Variants in LAMA3 observed in about 807,000 individuals in gnomAD.
LAMA3 encodes laminin subunit alpha 3.
LAMA3 carries 281 observed loss-of-function variants against 402.0 expected under a neutral mutation model. The observed-to-expected ratio is 0.70, with a 90% CI of 0.63 to 0.77. The LOEUF is 0.77. Ranked by LOEUF, LAMA3 falls within the 30% of genes least tolerant of loss-of-function variation. The probability of loss-of-function intolerance (pLI) is 0.00; values close to 1 mark genes in which losing one functional copy is unlikely to be tolerated. For missense variants in LAMA3, 3,840 were observed against 4,215.5 expected, an observed-to-expected ratio of 0.91 and a Z score of 2.47; for synonymous variants, 1,431 against 1,558.4, an observed-to-expected ratio of 0.92 and a Z score of 1.93.
At chr18:23,718,693 G>C (rs750204210) in intron 2 of LAMA3, among the ~76,000 whole-genome samples, 1 of 152,168 alleles carries the variant, frequency 6.6e-6, no homozygotes, top group East Asian at 1.9e-4. Context: ...TTTGGGCCTC[G>C]TAGAGGCAAA....
rs1568330789 is a variant in LAMA3, at chr18:23,909,133, A to G, written c.7016-20A>G. The G allele has an allele frequency of 5.0e-6, 8 of 1,608,882 alleles. No individual in the cohort carries two copies. Among genetic ancestry groups the G allele is most frequent in the Middle Eastern group, 1.7e-4 (1 of 6,056 alleles). On this transcript the variant is annotated intron_variant, in intron 54 of 74. Coordinates refer to ENST00000313654, the MANE Select transcript of LAMA3 (RefSeq NM_198129.4). ...TCTTAATGCACAATCTTACATTTCT[A>G]TTTTTTTTCTCACCAACAGTGAATA... is the stretch of plus-strand genomic sequence containing the variant.
Position 23,950,009 on chromosome 18 carries a change from C to G in LAMA3, c.9512-20C>G. 1 of 1,614,080 alleles carries G rather than the reference C, an allele frequency of 6.2e-7. No homozygotes were observed. On this transcript the variant is annotated intron_variant, in intron 71 of 74. Transcript: ENST00000313654. ...TTTCATGGTGATGCTTTAACTTTTG[C>G]TTTGTTTCTCTTTTGAAAGCTCACT...
In LAMA3 at chr18:23,939,325, T is replaced by G; in HGVS notation, c.8965T>G (p.Phe2989Val). 3 of 1,614,142 alleles carry G rather than the reference T, an allele frequency of 1.9e-6. No individual in the cohort carries two copies. The highest frequency in any genetic ancestry group is 2.5e-6 in the Non-Finnish European group (3 of 1,180,010). Residue 2989 changes from phenylalanine (F) to valine (V), a missense_variant, in exon 68 of 75, where the codon TTT becomes GTT. By Grantham distance (50) the Phe-to-Val change is conservative. Around this residue, in one of 3 missense-constraint regions of LAMA3, gnomAD observed 840 missense variants for 981.9 expected, o/e 0.86. Transcript: ENST00000313654. ...CCAGGCCAATCATGGAGCCCTCCAGTTTGGGGACATTCCCACCAGCCACTT... is the reference window on the plus strand; with the variant it reads ...CCAGGCCAATCATGGAGCCCTCCAGGTTGGGGACATTCCCACCAGCCACTT... ...KTQANHGALQ[F>V]GDIPTSHLLF... is the part of the protein sequence containing the mutation.
intron 24 of LAMA3, among the ~76,000 whole-genome samples, chr18:23,835,936 T>C (rs2063572558): frequency 1.3e-5 from 2 of 152,310 alleles, no homozygotes; most frequent in South Asian, 4.1e-4. Flanking sequence ...ATAAATCTAA[T>C]CTGCTCTCCA....
chr18:23,842,277 T>C (rs2063718168), intron 27 of LAMA3, 118 bp from the exon 28 acceptor site: 1 of 1,285,738 alleles, frequency 7.8e-7, no homozygotes, highest in Non-Finnish European at 1.1e-6. Context: ...TCATTTCACT[T>C]TGGTAAATAC....
intron 2 of LAMA3, among the ~76,000 whole-genome samples, chr18:23,720,984 C>G (rs2061202061): frequency 1.3e-5 from 2 of 151,490 alleles, no homozygotes; most frequent in South Asian, 2.1e-4. Context: ...CTGTGAAAGC[C>G]CCTCTCTATA....
At position 23,943,970 on chromosome 18, in the gene LAMA3, C is replaced by T. The variant is rs117056996; in HGVS notation, c.9209C>T (p.Thr3070Met). The T allele has an allele frequency of 1.8e-4, 286 of 1,613,642 alleles. No homozygotes were observed. The Middle Eastern group carries it at 1.8e-3, about 10-fold the overall frequency. The change falls in exon 69 of 75, where the codon ACG becomes ATG. Residue 3070 changes from threonine to methionine, a missense_variant and splice_region_variant. By Grantham distance (81) the Thr-to-Met change is moderately conservative (BLOSUM62 -1). This residue lies in a region of LAMA3 where 840 missense variants were observed against 981.9 expected (regional missense o/e 0.86). Transcript: ENST00000313654. ...AAATGCAATGATGGGAAATGGCACA[C>T]GGTAAGAGCTGGGGCTGTGTCAGTA... Reference protein sequence around the residue: ...KEKCNDGKWHTVVFGHDGEKG... With the variant: ...KEKCNDGKWHMVVFGHDGEKG...
chr18:23,766,681 A>G (rs932695006), intron 8 of LAMA3, among the ~76,000 whole-genome samples: 6 of 152,170 alleles, frequency 3.9e-5, no homozygotes, highest in Admixed American at 1.3e-4. Flanking sequence ...CTATTAAAAC[A>G]TACAAAAATT....
intron 52 of LAMA3, 28 bp downstream of exon 52, chr18:23,905,652 G>T (rs1181754211): frequency 6.0e-6 from 8 of 1,328,580 alleles, no homozygotes. Flanking sequence ...CAATGGCAGG[G>T]ATAGTCAGGA....
chr18:23,775,007 G>A (rs759145935), intron 9 of LAMA3, among the ~76,000 whole-genome samples: 8 of 151,684 alleles, frequency 5.3e-5, no homozygotes, highest in Non-Finnish European at 8.8e-5. Flanking sequence ...GTCCACAGAG[G>A]TATTAGAGGC....
chr18:23,703,041 T>A (rs2060820064), intron 1 of LAMA3, among the ~76,000 whole-genome samples: 1 of 152,230 alleles, frequency 6.6e-6, no homozygotes, highest in South Asian at 2.1e-4. Flanking sequence ...ATGTAGCTAC[T>A]TCTATGACTG....
intron 2 of LAMA3, among the ~76,000 whole-genome samples, chr18:23,718,389 A>AAG (rs2061148361): frequency 6.6e-6 from 1 of 152,122 alleles, no homozygotes; most frequent in Non-Finnish European, 1.5e-5. Context: ...AGCAAGCCTG[A>AAG]CTCATTGTGT....
chr18:23,836,956 A>G, intron 24 of LAMA3, 25 bp from the exon 25 acceptor site: 1 of 1,568,428 alleles, frequency 6.4e-7, no homozygotes, highest in Non-Finnish European at 8.8e-7. Context: ...GAGTCAGGCT[A>G]AGAAAACTCT....
chr18:23,777,704 C>A, intron 11 of LAMA3, 85 bp downstream of exon 11: 3 of 1,014,800 alleles, frequency 3.0e-6, no homozygotes, highest in African/African-American at 1.6e-5. Flanking sequence ...CTGCCACATC[C>A]AAGGCCAAGT....
At chr18:23,710,250 G>C (rs1380438884) in intron 1 of LAMA3, 1 of 579,438 alleles carries the variant, frequency 1.7e-6, no homozygotes, top group Non-Finnish European at 3.1e-6. Flanking sequence ...TTCAGCTTTA[G>C]GAGGGACAGG....
At chr18:23,887,413 A>G (rs1037243961) in intron 41 of LAMA3, among the ~76,000 whole-genome samples, 1 of 152,196 alleles carries the variant, frequency 6.6e-6, no homozygotes, top group African/African-American at 2.4e-5. Context: ...TTCACAAACA[A>G]TGAAGCATTA....
chr18:23,885,342 C>G (rs1177684693), intron 41 of LAMA3, among the ~76,000 whole-genome samples: 2 of 139,004 alleles, frequency 1.4e-5, no homozygotes, highest in East Asian at 4.7e-4. Flanking sequence ...CCCCCCACCC[C>G]CACCCCCACC....
chr18:23,898,073 ACT>A (rs138286260), intron 44 of LAMA3, among the ~76,000 whole-genome samples: 9,210 of 152,190 alleles, frequency 0.061, 731 homozygotes, highest in East Asian at 0.39. Flanking sequence ...ATATATTAAT[ACT>A]TTTTCCAAAA....
intron 40 of LAMA3, among the ~76,000 whole-genome samples, chr18:23,883,752 C>T (rs2064978121): frequency 1.3e-5 from 2 of 152,218 alleles, no homozygotes; most frequent in Non-Finnish European, 2.9e-5. Flanking sequence ...GCGAGATTTC[C>T]ACTGGGGTGC....
Sources: allele counts gnomAD v4.1 joint callset (sites outside exome capture counted in the v4.1 genomes callset), GRCh38; gene constraint gnomAD v4.1.1; regional missense constraint gnomAD v4.1.1; transcripts MANE v1.5; gene names NCBI Gene and HGNC (gene_info 2026-07-23, HGNC 2026-07-21).